ARMC5: variants seen among roughly 807,000 people sequenced by gnomAD.
ARMC5 encodes armadillo repeat-containing protein 5.
Under a neutral mutation model 60.5 loss-of-function variants are expected in ARMC5, and 28 were observed. The observed-to-expected ratio is 0.46, with a 90% CI of 0.34 to 0.63. ARMC5 has a LOEUF of 0.63. ARMC5 is among the 30% of genes least tolerant of loss of function. ARMC5 has a pLI of 0.01. For synonymous variants in ARMC5, 680 were observed against 607.3 expected, an observed-to-expected ratio of 1.12 and a Z score of -1.76; for missense variants, 1,189 against 1,304.9, an observed-to-expected ratio of 0.91 and a Z score of 1.37.
chr16:31,458,533 T>C (rs1434122179), upstream of ARMC5: 4 of 1,531,296 alleles, frequency 2.6e-6, no homozygotes, highest in African/African-American at 4.1e-5. Context: ...GCTGCCTTGG[T>C]GGTGAATGAA....
upstream of ARMC5, chr16:31,459,438 G>C (rs1045702885): frequency 6.5e-7 from 1 of 1,543,262 alleles, no homozygotes; most frequent in Non-Finnish European, 8.7e-7. Flanking sequence ...CGTCAGCGAG[G>C]CGGTGCCCGA....
intron 1 of ARMC5, 133 bp downstream of exon 1, chr16:31,460,132 C>G: frequency 9.8e-7 from 1 of 1,016,308 alleles, no homozygotes; most frequent in Non-Finnish European, 1.5e-6. Context: ...GCTCCTGTTT[C>G]TCAATCTGTT....
intron 1 of ARMC5, 28 bp downstream of exon 1, chr16:31,460,027 A>G: frequency 6.3e-7 from 1 of 1,592,592 alleles, no homozygotes; most frequent in Non-Finnish European, 8.5e-7. Context: ...GTTTCCTAGA[A>G]AGATTAGGTT....
At chr16:31,459,466 A>G (rs2082278684), upstream of ARMC5, 10 of 1,558,820 alleles carry the variant, frequency 6.4e-6, no homozygotes, top group Non-Finnish European at 6.9e-6. Flanking sequence ...CCTGTCTTCC[A>G]GTTCCGCTCC....
chr16:31,466,294 C>T lies in ARMC5; in HGVS notation c.2213C>T (p.Pro738Leu), dbSNP rs1469064503. Residue 738 changes from proline to leucine, a missense_variant, in exon 6 of 6, where the codon CCT becomes CTT. Coordinates refer to ENST00000268314, the MANE Select transcript of ARMC5 (RefSeq NM_001105247.2). This position sits in a 1 kb window ranked among gnomAD's most constrained non-coding sequence, Gnocchi z 8.0. ...TCACCTTCCCCTTGCCTCTATGAACCTCTGCTGGGCCCAGCCCCTGTCCCA... is the reference window on the plus strand; with the variant it reads ...TCACCTTCCCCTTGCCTCTATGAACTTCTGCTGGGCCCAGCCCCTGTCCCA... ...LDSPSPCLYE[P>L]LLGPAPVPAP... is the part of the protein sequence containing the mutation. 1 of 1,613,782 alleles carries T rather than the reference C, an allele frequency of 6.2e-7. No homozygotes were observed. The highest frequency in any genetic ancestry group is 8.5e-7 in the Non-Finnish European group (1 of 1,179,888).
upstream of ARMC5, chr16:31,458,479 C>A: frequency 6.5e-7 from 1 of 1,535,762 alleles, no homozygotes; most frequent in Non-Finnish European, 8.7e-7. Context: ...ACATCGGAAG[C>A]TTCTGCCATA....
Position 31,464,942 on chromosome 16 carries a change from C to T in ARMC5, c.1864+55C>T. On this transcript the variant is annotated intron_variant, in intron 4 of 5. Coordinates refer to ENST00000268314, the MANE Select transcript of ARMC5 (RefSeq NM_001105247.2). This position sits in a 1 kb window ranked among gnomAD's most constrained non-coding sequence, Gnocchi z 7.6. ...CCCCCATGTGAGTCCCCATCCTCCC[C>T]CATGGCTTCCATGGGCCCAGAACCT... is the stretch of plus-strand genomic sequence containing the variant. The T allele has an allele frequency of 6.2e-7, 1 of 1,612,314 alleles. No individual in the cohort carries two copies. Among genetic ancestry groups the T allele is most frequent in the Non-Finnish European group, 8.5e-7 (1 of 1,179,364 alleles).
In ARMC5 at chr16:31,464,140, A is replaced by C. The variant is rs2142572618; in HGVS notation, c.1371-254A>C. Among the ~76,000 whole-genome samples, 1 of 139,140 alleles carries C rather than the reference A, an allele frequency of 7.2e-6. No individual in the cohort carries two copies. The highest frequency in any genetic ancestry group is 7.0e-5 in the Admixed American group (1 of 14,214). 91.3% of individuals were successfully genotyped at this position (139,140 alleles called of 152,430 possible). The stretch of plus-strand genomic sequence containing the variant: ...ACCCATCTCTACAAAACATTTAAAA[A>C]ATTAGCTGAGTGTGGTGCACACAGC... On this transcript the variant is annotated intron_variant, in intron 3 of 5. Coordinates refer to ENST00000268314, the MANE Select transcript of ARMC5 (RefSeq NM_001105247.2). This position sits in a 1 kb window ranked among gnomAD's most constrained non-coding sequence, Gnocchi z 7.6.
In ARMC5 at chr16:31,459,523, A is replaced by C; in HGVS notation, c.-2A>C. On this transcript the variant is annotated 5_prime_UTR_variant, in exon 1 of 6. Coordinates refer to ENST00000268314, the MANE Select transcript of ARMC5 (RefSeq NM_001105247.2). ...GGGGCGGAGTCTGAGGCCCGAGCCA[A>C]GATGGCGGCTGCGAAGCCAACCCTC... The C allele has an allele frequency of 6.2e-7, 1 of 1,601,806 alleles. No individual in the cohort carries two copies.
At position 31,466,834 on chromosome 16, in the gene ARMC5, A is replaced by G. The variant is rs1596608281; in HGVS notation, c.2753A>G (p.Glu918Gly). ...AAGEEAGPLT[E>G]ALLAVVMGIE... Reference sequence around the variant, plus strand: ...GGTGAAGAGGCAGGGCCCCTGACGGAGGCTTTGCTGGCTGTGGTGATGGGG... The same window carrying G: ...GGTGAAGAGGCAGGGCCCCTGACGGGGGCTTTGCTGGCTGTGGTGATGGGG... The change falls in exon 6 of 6, where the codon GAG becomes GGG. Residue 918 changes from glutamate (E) to glycine (G), a missense_variant. Physicochemically the swap from Glu to Gly is moderately conservative, Grantham distance 98. Around this residue, in one of 2 missense-constraint regions of ARMC5, gnomAD observed 862 missense variants for 1,071.2 expected, o/e 0.80. Transcript: ENST00000268314. This position sits in a 1 kb window ranked among gnomAD's most constrained non-coding sequence, Gnocchi z 8.0. 6.3e-7 allele frequency: 1 copy of G among 1,593,666 alleles called. No individual in the cohort carries two copies. Among genetic ancestry groups the G allele is most frequent in the Non-Finnish European group, 8.5e-7 (1 of 1,171,126 alleles).
chr16:31,465,667 A>C (rs1596606655), intron 4 of ARMC5, 183 bp from the exon 5 acceptor site: 10 of 1,429,846 alleles, frequency 7.0e-6, no homozygotes, highest in Non-Finnish European at 9.1e-6. Context: ...TGACTGTCCC[A>C]CCTTCTGTCC....
upstream of ARMC5, chr16:31,459,309 G>C: frequency 6.5e-7 from 1 of 1,534,848 alleles, no homozygotes. Context: ...CTCATGCACC[G>C]CCCGCACGTC....
At chr16:31,460,023 T>C (rs765237983) in intron 1 of ARMC5, 24 bp downstream of exon 1, 2 of 1,591,346 alleles carry the variant, frequency 1.3e-6, no homozygotes, top group Non-Finnish European at 1.7e-6. Context: ...CCCCGTTTCC[T>C]AGAAAGATTA....
Position 31,459,555 on chromosome 16 carries a change from T to G in ARMC5, c.31T>G (p.Ser11Ala). 6.2e-7 allele frequency: 1 copy of G among 1,606,192 alleles called. No individual in the cohort carries two copies. Among genetic ancestry groups the G allele is most frequent in the Non-Finnish European group, 8.5e-7 (1 of 1,179,298 alleles). The part of the protein sequence containing the change: MAAAKPTLTD[S>A]LSFCLAQLAA... ...GGCTGCGAAGCCAACCCTCACGGAC[T>G]CGCTCTCGTTCTGCCTCGCGCAGCT... is the stretch of plus-strand genomic sequence containing the variant. Residue 11 changes from serine (S) to alanine (A), a missense_variant, in exon 1 of 6, where the codon TCG (serine) becomes GCG (alanine). Physicochemically the swap from Ser to Ala is moderately conservative, Grantham distance 99 (BLOSUM62 1). Transcript: ENST00000268314.
rs1183474100 is a variant in ARMC5 at position 31,462,946 on chromosome 16, G to A, written c.1370+29G>A. 3 of 1,523,824 alleles carry A rather than the reference G, an allele frequency of 2.0e-6. No homozygotes were observed. The highest frequency in any genetic ancestry group is 2.4e-5 in the East Asian group (1 of 42,220). The allele number at this position is 1,523,824 out of a possible 1,614,324, so 94.4% of individuals were successfully genotyped here. A position where few individuals can be genotyped will look rare whatever the true frequency, so the allele number is the denominator to read the frequency against. On this transcript the variant is annotated intron_variant, in intron 3 of 5. Transcript: ENST00000268314. This position sits in a 1 kb window ranked among gnomAD's most constrained non-coding sequence, Gnocchi z 7.2. ...AGTCCCTGCCTCAGGGCTTGGGAGGGTGAGCAGTGCAGTGATGTGGGGTTT... is the reference window on the plus strand; with the variant it reads ...AGTCCCTGCCTCAGGGCTTGGGAGGATGAGCAGTGCAGTGATGTGGGGTTT...
At position 31,465,623 on chromosome 16, in the gene ARMC5, G is replaced by A. The variant is rs540152163; in HGVS notation, c.1865-227G>A. Reference sequence around the variant, plus strand: ...TCTTGCCTCGGCGCCTGGGTGGCTTGCCGCCCACACTTCAGGGGCCCAGAC... The same window carrying A: ...TCTTGCCTCGGCGCCTGGGTGGCTTACCGCCCACACTTCAGGGGCCCAGAC... On this transcript the variant is annotated intron_variant, in intron 4 of 5. Transcript: ENST00000268314. The A allele has an allele frequency of 3.6e-6, 5 of 1,401,164 alleles. No individual in the cohort carries two copies. In the African/African-American group the frequency reaches 5.8e-5, roughly 16 times the overall value. The allele number at this position is 1,401,164 out of a possible 1,614,324, so 86.8% of individuals were successfully genotyped here.
At position 31,464,840 on chromosome 16, in the gene ARMC5, C is replaced by T. The variant is rs773596341; in HGVS notation, c.1817C>T (p.Pro606Leu). The T allele has an allele frequency of 1.2e-4, 185 of 1,597,510 alleles. No individual in the cohort carries two copies. Among genetic ancestry groups the T allele is most frequent in the Middle Eastern group, 1.6e-4 (1 of 6,070 alleles). ...LVLGVAPDDW[P>L]APRARPTLHS... ...CTGGGGGTGGCGCCTGACGATTGGCCGGCACCACGTGCCCGGCCCACTCTC... is the reference window on the plus strand; with the variant it reads ...CTGGGGGTGGCGCCTGACGATTGGCTGGCACCACGTGCCCGGCCCACTCTC... The change falls in exon 4 of 6, where the codon CCG becomes CTG. Residue 606 changes from proline to leucine, a missense_variant. Physicochemically the swap from Pro to Leu is moderately conservative, Grantham distance 98 (BLOSUM62 -3). Coordinates refer to ENST00000268314, the MANE Select transcript of ARMC5 (RefSeq NM_001105247.2). The surrounding 1 kb of genome is among the most constrained non-coding windows in gnomAD (Gnocchi z 7.6).
chr16:31,458,349 T>C (rs886316685), upstream of ARMC5: 8 of 1,502,180 alleles, frequency 5.3e-6, no homozygotes, highest in Non-Finnish European at 7.2e-6. Flanking sequence ...AGGTTGGAGC[T>C]GACGCTGAAA....
chr16:31,458,563 G>A (rs2082267116), upstream of ARMC5: 2 of 1,509,592 alleles, frequency 1.3e-6, no homozygotes, highest in Admixed American at 3.9e-5. Flanking sequence ...GCAGGCTGTG[G>A]TCAGTCCACA....
Sources: gnomAD v4.1 joint callset for allele counts (sites outside exome capture counted in the v4.1 genomes callset) on GRCh38, gnomAD v4.1.1 for gene constraint, gnomAD v4.1.1 regional missense constraint, Gnocchi (gnomAD v3.1) non-coding constraint, MANE v1.5 for transcripts, NCBI Gene and HGNC (gene_info 2026-07-23, HGNC 2026-07-21) for gene names.